SKAP1: variants seen among roughly 807,000 people sequenced by gnomAD.
SKAP1 encodes src kinase-associated phosphoprotein 1.
A neutral mutation model predicts 58.5 loss-of-function variants in SKAP1; 44 were observed. That is an observed-to-expected ratio of 0.75 (90% CI 0.59 to 0.97). The LOEUF (loss-of-function observed/expected upper bound fraction) is 0.97. Among genes scored for constraint, SKAP1 ranks in the 50% least tolerant of loss-of-function variants. The pLI, the probability that SKAP1 is intolerant of heterozygous loss-of-function variation, is 0.00. For missense variants in SKAP1, 390 were observed against 435.2 expected, an observed-to-expected ratio of 0.90 and a Z score of 0.92; for synonymous variants, 127 against 149.7, an observed-to-expected ratio of 0.85 and a Z score of 1.11.
the SKAP1 span, among the ~76,000 whole-genome samples, chr17:48,438,507 C>T: frequency 6.6e-6 from 1 of 152,092 alleles, no homozygotes; most frequent in Non-Finnish European, 1.5e-5. Flanking sequence ...AGCTAATCTG[C>T]CTTTAAAGAG....
intron 5 of SKAP1, among the ~76,000 whole-genome samples, chr17:48,188,720 C>T (rs2064493341): frequency 6.6e-6 from 1 of 151,816 alleles, no homozygotes; most frequent in African/African-American, 2.4e-5. Flanking sequence ...AAAAAAAGGC[C>T]GGGTGTGGTG....
chr17:48,135,802 T>G (rs2063690178), intron 12 of SKAP1, among the ~76,000 whole-genome samples: 1 of 152,168 alleles, frequency 6.6e-6, no homozygotes, highest in African/African-American at 2.4e-5. Flanking sequence ...ACTTAAAAGT[T>G]AATTTGATTA....
upstream of SKAP1, among the ~76,000 whole-genome samples, chr17:48,430,663 G>T (rs1365587851): frequency 1.3e-5 from 2 of 152,154 alleles, no homozygotes; most frequent in Admixed American, 6.5e-5. Context: ...TCGCTCTTTG[G>T]GAAGCCACAA....
At chr17:48,424,863 C>T (rs1355401661) in intron 1 of SKAP1, among the ~76,000 whole-genome samples, 2 of 147,708 alleles carry the variant, frequency 1.4e-5, no homozygotes, top group Admixed American at 6.8e-5. Context: ...ACCTGGGATG[C>T]GGAGGTTGCA....
At chr17:48,440,893 AACAG>A in the SKAP1 span, among the ~76,000 whole-genome samples, 1 of 152,188 alleles carries the variant, frequency 6.6e-6, no homozygotes, top group Non-Finnish European at 1.5e-5. Flanking sequence ...ACTGACAGGA[AACAG>A]ACAGAGGCTC....
chr17:48,389,081 T>G (rs2067313743), intron 2 of SKAP1, among the ~76,000 whole-genome samples: 1 of 152,260 alleles, frequency 6.6e-6, no homozygotes, highest in African/African-American at 2.4e-5. Context: ...ATATCTTTTA[T>G]AAACCACACT....
intron 2 of SKAP1, among the ~76,000 whole-genome samples, chr17:48,381,290 T>C (rs995159265): frequency 6.6e-6 from 1 of 152,236 alleles, no homozygotes; most frequent in Non-Finnish European, 1.5e-5. Flanking sequence ...TTCCAGGAGT[T>C]GGTTCCATTT....
chr17:48,210,062 G>A (rs2064853215), intron 4 of SKAP1, among the ~76,000 whole-genome samples: 1 of 152,202 alleles, frequency 6.6e-6, no homozygotes, highest in South Asian at 2.1e-4. Context: ...ATCACTGGGA[G>A]GAGGAGGCAC....
intron 3 of SKAP1, among the ~76,000 whole-genome samples, chr17:48,357,596 C>T (rs1438812164): frequency 1.3e-5 from 2 of 151,962 alleles, no homozygotes; most frequent in Non-Finnish European, 2.9e-5. Flanking sequence ...TGCCACTGCA[C>T]TCCAGCCTGG....
chr17:48,334,530 C>T (rs1484776124), intron 4 of SKAP1, among the ~76,000 whole-genome samples: 2 of 151,540 alleles, frequency 1.3e-5, no homozygotes, highest in Non-Finnish European at 3.0e-5. Context: ...AAGAATGTTC[C>T]AGAGTTTTTA....
intron 3 of SKAP1, among the ~76,000 whole-genome samples, chr17:48,357,205 T>G (rs1003447464): frequency 6.6e-6 from 1 of 152,178 alleles, no homozygotes; most frequent in African/African-American, 2.4e-5. Context: ...TTCTTTTACC[T>G]GCATAAAATT....
intron 2 of SKAP1, among the ~76,000 whole-genome samples, chr17:48,392,836 G>A (rs2067365762): frequency 6.6e-6 from 1 of 150,696 alleles, no homozygotes; most frequent in African/African-American, 2.5e-5. Context: ...CTCTAGCCTG[G>A]GCAACAGAGA....
chr17:48,139,330 C>T (rs1419983649), intron 11 of SKAP1, among the ~76,000 whole-genome samples: 1 of 151,522 alleles, frequency 6.6e-6, no homozygotes, highest in African/African-American at 2.4e-5. Flanking sequence ...TACAGGTGTG[C>T]ACCACCACGC....
chr17:48,265,944 G>T (rs1300828187), intron 4 of SKAP1, among the ~76,000 whole-genome samples: 2 of 152,074 alleles, frequency 1.3e-5, no homozygotes, highest in African/African-American at 4.8e-5. Context: ...CTTTAGTTTA[G>T]TGATTTTTCT....
chr17:48,207,288 A>G (rs1475935975), intron 4 of SKAP1, among the ~76,000 whole-genome samples: 1 of 152,144 alleles, frequency 6.6e-6, no homozygotes. Flanking sequence ...GTTCAAGACC[A>G]GGAGTTCTGG....
intron 4 of SKAP1, among the ~76,000 whole-genome samples, chr17:48,266,583 TC>T (rs1219885561): frequency 6.6e-6 from 1 of 150,698 alleles, no homozygotes; most frequent in Non-Finnish European, 1.5e-5. Context: ...CAATCTTGAC[TC>T]ACTGTAAGCT....
intron 1 of SKAP1, among the ~76,000 whole-genome samples, chr17:48,413,523 A>AAAAAATATATATATATATATAT: frequency 9.5e-6 from 1 of 105,476 alleles, no homozygotes; most frequent in Non-Finnish European, 1.9e-5. Context: ...TCAAAAAAAA[A>AAAAAATATATATATATATATAT]ATATATATAT....
intron 3 of SKAP1, among the ~76,000 whole-genome samples, chr17:48,353,959 A>G (rs1273860982): frequency 6.6e-6 from 1 of 151,506 alleles, no homozygotes; most frequent in East Asian, 1.9e-4. Context: ...AAGAAGAAGA[A>G]GAGGAAGAAA....
intron 4 of SKAP1, among the ~76,000 whole-genome samples, chr17:48,330,222 GTTAA>G (rs2144261897): frequency 6.6e-6 from 1 of 152,210 alleles, no homozygotes; most frequent in South Asian, 2.1e-4. Flanking sequence ...ATCGATTCCA[GTTAA>G]TTATTTTTTT....
Sources: gnomAD v4.1 joint callset for allele counts (sites outside exome capture counted in the v4.1 genomes callset) on GRCh38, gnomAD v4.1.1 for gene constraint, MANE v1.5 for transcripts, NCBI Gene and HGNC (gene_info 2026-07-23, HGNC 2026-07-21) for gene names.